The following STIM2 variants were observed in gnomAD, a reference collection of about 807,000 sequenced individuals.
STIM2 encodes the protein stromal interaction molecule 2.
A neutral mutation model predicts 85.8 loss-of-function variants in STIM2; 31 were observed. That is an observed-to-expected ratio of 0.36 (90% CI 0.27 to 0.49). The LOEUF is 0.49. Among genes scored for constraint, STIM2 ranks in the 20% least tolerant of loss-of-function variants. STIM2 has a pLI of 0.98. For missense variants in STIM2, 841 were observed against 927.6 expected (o/e 0.91, Z 1.21); for synonymous variants, 356 against 331.1 (o/e 1.08, Z -0.82).
At chr4:26,881,833 TA>T (rs1723026539) in intron 1 of STIM2, among the ~76,000 whole-genome samples, 1 of 152,202 alleles carries the variant, frequency 6.6e-6, no homozygotes, top group Non-Finnish European at 1.5e-5. Context: ...AGTTTTTCTT[TA>T]AAAAATATTG....
At chr4:26,951,814 T>C (rs543511179) in intron 2 of STIM2, among the ~76,000 whole-genome samples, 2 of 152,274 alleles carry the variant, frequency 1.3e-5, no homozygotes, top group African/African-American at 4.8e-5. Context: ...TTGGATATAA[T>C]GTTAACTTAT....
intron 9 of STIM2, 93 bp downstream of exon 9, chr4:27,008,621 A>G (rs1728451131): frequency 1.8e-6 from 2 of 1,105,274 alleles, no homozygotes; most frequent in Non-Finnish European, 2.6e-6. Context: ...TTATATAATT[A>G]CATAATTTAC....
intron 11 of STIM2, chr4:27,021,131 C>CCTT: frequency 7.1e-7 from 1 of 1,404,646 alleles, no homozygotes; most frequent in Non-Finnish European, 9.7e-7. Flanking sequence ...ATTCACCCAC[C>CCTT]CTTCCATTCA....
intron 1 of STIM2, among the ~76,000 whole-genome samples, chr4:26,892,766 C>A (rs1723544603): frequency 6.6e-6 from 1 of 152,094 alleles, no homozygotes; most frequent in Admixed American, 6.5e-5. Context: ...GTTGATATAA[C>A]CCTGAGGTAA....
At chr4:26,964,313 A>G (rs1372399461) in intron 3 of STIM2, among the ~76,000 whole-genome samples, 1 of 152,186 alleles carries the variant, frequency 6.6e-6, no homozygotes, top group Non-Finnish European at 1.5e-5. Flanking sequence ...TATTTTAGCA[A>G]TTATCTATTA....
At chr4:26,937,632 C>T (rs937232531) in intron 2 of STIM2, among the ~76,000 whole-genome samples, 17 of 152,012 alleles carry the variant, frequency 1.1e-4, no homozygotes, top group Admixed American at 9.8e-4. Context: ...AATTTATTAT[C>T]CCAACTGGCA....
intron 3 of STIM2, among the ~76,000 whole-genome samples, chr4:26,964,950 C>G (rs16878656): frequency 6.6e-6 from 1 of 152,086 alleles, no homozygotes; most frequent in Non-Finnish European, 1.5e-5. Flanking sequence ...CAGTGAGAGA[C>G]GCTGTGCTAG....
intron 2 of STIM2, among the ~76,000 whole-genome samples, chr4:26,957,107 A>G (rs140262501): frequency 3.9e-5 from 6 of 152,308 alleles, no homozygotes; most frequent in African/African-American, 1.4e-4. Flanking sequence ...GCATTTGGAT[A>G]TAACCTACAG....
At chr4:26,971,541 A>T (rs1726951257) in intron 3 of STIM2, among the ~76,000 whole-genome samples, 2 of 152,182 alleles carry the variant, frequency 1.3e-5, no homozygotes, top group Non-Finnish European at 1.5e-5. Context: ...TTTGTCAAAG[A>T]TCAGATGGTT....
At chr4:27,019,822 GA>G (rs980807935) in intron 11 of STIM2, among the ~76,000 whole-genome samples, 9 of 151,878 alleles carry the variant, frequency 5.9e-5, no homozygotes, top group Admixed American at 2.6e-4. Context: ...AAAAGAAATA[GA>G]AAAAAATAGC....
At chr4:26,953,649 G>A (rs1027733361) in intron 2 of STIM2, among the ~76,000 whole-genome samples, 6 of 152,014 alleles carry the variant, frequency 3.9e-5, no homozygotes, top group African/African-American at 7.2e-5. Context: ...CAGGCCTCCC[G>A]AGGAACTAAA....
intron 11 of STIM2, among the ~76,000 whole-genome samples, chr4:27,020,514 C>T (rs986704843): frequency 1.3e-5 from 2 of 152,114 alleles, no homozygotes; most frequent in East Asian, 1.9e-4. Context: ...ACCATTAGGT[C>T]GTTATTTAGG....
Position 26,940,496 on chromosome 4 carries a change from C to A in STIM2, c.283-17116C>A, listed in dbSNP as rs143373675. 1.1e-3 allele frequency among the ~76,000 whole-genome samples: 163 copies of A among 152,290 alleles called. No homozygotes were observed. In the Middle Eastern group the frequency reaches 0.014, roughly 13 times the overall value. On this transcript the variant is annotated intron_variant, in intron 2 of 11. Transcript: ENST00000467087. ...TTAGAAAGTCTCATGCTGGACCCAT[C>A]ACTGCCTTCCTTAAAAACACTGATT...
intron 2 of STIM2, among the ~76,000 whole-genome samples, chr4:26,955,792 G>A (rs750591381): frequency 3.3e-5 from 5 of 151,536 alleles, no homozygotes; most frequent in East Asian, 3.9e-4. Context: ...TCATATGCTC[G>A]GCCCAGTTGC....
At chr4:26,900,590 A>G (rs938868686) in intron 1 of STIM2, among the ~76,000 whole-genome samples, 1 of 152,156 alleles carries the variant, frequency 6.6e-6, no homozygotes, top group African/African-American at 2.4e-5. Flanking sequence ...TTTTACTTTA[A>G]AAACTATTAC....
chr4:27,023,158 C>T lies in STIM2; in HGVS notation c.*162C>T, dbSNP rs760453486. The T allele has an allele frequency of 1.5e-6, 1 of 673,138 alleles. No individual in the cohort carries two copies. The highest frequency in any genetic ancestry group is 2.6e-6 in the Non-Finnish European group (1 of 388,130). 41.7% of individuals were successfully genotyped at this position (673,138 alleles called of 1,614,324 possible). A position where few individuals can be genotyped will look rare whatever the true frequency, so the allele number is the denominator to read the frequency against. On this transcript the variant is annotated 3_prime_UTR_variant, in exon 12 of 12. Coordinates refer to ENST00000467087, the MANE Select transcript of STIM2 (RefSeq NM_020860.4). ...GAACATCCAGAAGGGCAACTGTCTA[C>T]TGTCTGCTTATTTAAGTGACTATAT...
intron 7 of STIM2, among the ~76,000 whole-genome samples, chr4:27,003,342 C>T (rs1328448965): frequency 1.3e-5 from 2 of 152,146 alleles, no homozygotes; most frequent in African/African-American, 2.4e-5. Flanking sequence ...ACCTTGCCAT[C>T]TTCACTGTCT....
At chr4:26,938,118 CTCTT>C (rs1276878068) in intron 2 of STIM2, among the ~76,000 whole-genome samples, 1 of 150,784 alleles carries the variant, frequency 6.6e-6, no homozygotes, top group Non-Finnish European at 1.5e-5. Flanking sequence ...ATAATGTTGA[CTCTT>C]TCATTGACTT....
chr4:26,918,238 T>G (rs2109064602), intron 1 of STIM2, among the ~76,000 whole-genome samples: 1 of 151,960 alleles, frequency 6.6e-6, no homozygotes, highest in South Asian at 2.1e-4. Context: ...CTTTTTTTTT[T>G]TTTTTTTTAG....
Sources: allele counts gnomAD v4.1 joint callset (sites outside exome capture counted in the v4.1 genomes callset), GRCh38; gene constraint gnomAD v4.1.1; transcripts MANE v1.5; gene names NCBI Gene and HGNC (gene_info 2026-07-23, HGNC 2026-07-21).